The following DNAI4 variants were observed in gnomAD, a reference collection of about 807,000 sequenced individuals.
The protein encoded by DNAI4 is WD repeat domain 78.
DNAI4 carries 85 observed loss-of-function variants against 105.8 expected under a neutral mutation model. That is an observed-to-expected ratio of 0.80 (90% CI 0.67 to 0.96). DNAI4 has a LOEUF of 0.96. DNAI4 is among the 40% of genes least tolerant of loss of function. DNAI4 has a pLI of 0.00. For synonymous variants in DNAI4, 352 were observed against 331.5 expected, an observed-to-expected ratio of 1.06 and a Z score of -0.67; for missense variants, 1,014 against 1,005.6, an observed-to-expected ratio of 1.01 and a Z score of -0.11.
chr1:66,837,963 T>A (rs1646066912), intron 9 of DNAI4, among the ~76,000 whole-genome samples, 167 bp from the exon 10 acceptor site: 1 of 152,180 alleles, frequency 6.6e-6, no homozygotes, highest in South Asian at 2.1e-4. Context: ...TACCTCCATA[T>A]TCCTAAGCAA....
intron 8 of DNAI4, among the ~76,000 whole-genome samples, chr1:66,843,109 A>G (rs371816288): frequency 1.4e-5 from 2 of 147,642 alleles, no homozygotes; most frequent in African/African-American, 5.0e-5. Context: ...CTGAGGCAGG[A>G]GGATCGCTTG....
Position 66,874,914 on chromosome 1 carries a change from G to T in DNAI4, c.667C>A (p.Pro223Thr), listed in dbSNP as rs538817208. 8 of 1,605,268 alleles carry T rather than the reference G, an allele frequency of 5.0e-6. No individual in the cohort carries two copies. In the African/African-American group the frequency reaches 1.1e-4, roughly 22 times the overall value. ...FTDLQVIRAA[P>T]EKIVTKEDLE... The stretch of plus-strand genomic sequence containing the variant: ...TCTTCTTTTGTTACAATTTTTTCAG[G>T]TGCTGCCCTTATAACTTGCAAATCT... Residue 223 changes from proline (P) to threonine (T), a missense_variant, in exon 5 of 17, where the codon CCT becomes ACT. Pro to Thr is a conservative substitution (Grantham distance 38). Transcript: ENST00000371026.
chr1:66,857,025 A>C (rs1646516055), intron 7 of DNAI4, among the ~76,000 whole-genome samples: 1 of 152,090 alleles, frequency 6.6e-6, no homozygotes, highest in Non-Finnish European at 1.5e-5. Flanking sequence ...AAAATTAATA[A>C]AATCAAAAGT....
intron 13 of DNAI4, among the ~76,000 whole-genome samples, chr1:66,832,970 T>C (rs1370567553): frequency 6.6e-6 from 1 of 152,182 alleles, no homozygotes; most frequent in Non-Finnish European, 1.5e-5. Context: ...GAAGACTATA[T>C]ACAAGTGGAT....
chr1:66,849,419 C>T (rs1204751701), intron 7 of DNAI4, among the ~76,000 whole-genome samples: 5 of 152,124 alleles, frequency 3.3e-5, no homozygotes, highest in African/African-American at 1.2e-4. Context: ...TTTCCCCTGC[C>T]AGAACAGTGT....
rs1189456031 is a variant in DNAI4, at chr1:66,924,821, C to T, written c.11G>A (p.Gly4Asp). 12 of 1,613,996 alleles carry T rather than the reference C, an allele frequency of 7.4e-6. No individual in the cohort carries two copies. Among genetic ancestry groups the T allele is most frequent in the South Asian group, 1.1e-5 (1 of 91,080 alleles). ...TCGGGCCGAGGCTCCGGAATGTTTG[C>T]CGGGCGTCATGGCGACGGTGGAGCC... is the stretch of plus-strand genomic sequence containing the variant. Reference protein sequence around the residue: MTPGKHSGASARAA... With the variant: MTPDKHSGASARAA... The change falls in exon 1 of 17, where the codon GGC (glycine) becomes GAC (aspartate). Residue 4 changes from glycine (G) to aspartate (D), a missense_variant. By Grantham distance (94) the Gly-to-Asp change is moderately conservative. Coordinates refer to ENST00000371026, the MANE Select transcript of DNAI4 (RefSeq NM_024763.5).
intron 9 of DNAI4, among the ~76,000 whole-genome samples, chr1:66,839,511 T>C (rs182086666): frequency 1.9e-4 from 29 of 152,300 alleles, no homozygotes; most frequent in African/African-American, 7.0e-4. Context: ...ATAATAAGGC[T>C]AATTCTTAAA....
chr1:66,909,636 A>G lies in DNAI4; in HGVS notation c.171-4261T>C, dbSNP rs566208708. Among the ~76,000 whole-genome samples, 3 of 152,130 alleles carry G rather than the reference A, an allele frequency of 2.0e-5. No homozygotes were observed. The East Asian group carries it at 5.8e-4, about 29-fold the overall frequency. ...TAATGCCATGATTTAAAAGTAATCT[A>G]TGTGAAAATTATTCCCAAATATATG... is the stretch of plus-strand genomic sequence containing the variant. On this transcript the variant is annotated intron_variant, in intron 1 of 16. Coordinates refer to ENST00000371026, the MANE Select transcript of DNAI4 (RefSeq NM_024763.5).
At chr1:66,824,214 A>G (rs1438001554) in intron 15 of DNAI4, among the ~76,000 whole-genome samples, 47 of 138,816 alleles carry the variant, frequency 3.4e-4, no homozygotes, top group Non-Finnish European at 6.3e-4. Flanking sequence ...AAGATCAGAT[A>G]GTTGTAGATA....
At chr1:66,873,226 C>T (rs2100668548) in intron 5 of DNAI4, among the ~76,000 whole-genome samples, 1 of 150,366 alleles carries the variant, frequency 6.7e-6, no homozygotes, top group Admixed American at 6.6e-5. Context: ...CCTCTCCCTC[C>T]TCTTCTTCTT....
At chr1:66,859,090 T>A (rs921157542) in intron 7 of DNAI4, among the ~76,000 whole-genome samples, 1 of 151,988 alleles carries the variant, frequency 6.6e-6, no homozygotes, top group African/African-American at 2.4e-5. Flanking sequence ...CATACATATA[T>A]CCGATAAAGA....
chr1:66,831,674 T>C (rs1645868922), intron 13 of DNAI4, among the ~76,000 whole-genome samples: 1 of 152,166 alleles, frequency 6.6e-6, no homozygotes, highest in Non-Finnish European at 1.5e-5. Flanking sequence ...CCATACCTAA[T>C]AGTAAAAGGC....
At chr1:66,876,837 T>C (rs1194680858) in intron 4 of DNAI4, among the ~76,000 whole-genome samples, 1 of 152,134 alleles carries the variant, frequency 6.6e-6, no homozygotes, top group African/African-American at 2.4e-5. Flanking sequence ...TCCTAAAGGT[T>C]CTTCCCAGAG....
chr1:66,867,641 G>C (rs76758396), intron 6 of DNAI4, among the ~76,000 whole-genome samples: 3,959 of 152,072 alleles, frequency 0.026, 155 homozygotes, highest in African/African-American at 0.09. Context: ...TTTCTGTGGA[G>C]GGACACGTCA....
chr1:66,863,995 A>C (rs554393736), intron 6 of DNAI4, among the ~76,000 whole-genome samples: 1 of 152,216 alleles, frequency 6.6e-6, no homozygotes. Flanking sequence ...ATATAGGAAC[A>C]TACTGTTACA....
intron 4 of DNAI4, among the ~76,000 whole-genome samples, chr1:66,879,304 G>C (rs2100699980): frequency 6.6e-6 from 1 of 152,250 alleles, no homozygotes; most frequent in East Asian, 1.9e-4. Flanking sequence ...TTTCAGACTG[G>C]TTTATTTGAC....
At chr1:66,895,281 C>A (rs770810932) in intron 2 of DNAI4, among the ~76,000 whole-genome samples, 1 of 152,110 alleles carries the variant, frequency 6.6e-6, no homozygotes, top group Non-Finnish European at 1.5e-5. Context: ...GGGTTTGAGA[C>A]CAGCCTGAAC....
Position 66,833,571 on chromosome 1 carries a change from G to C in DNAI4, c.2013+14C>G. ...TTGTTATGTCCAGTGGTAAATAAGA[G>C]TGAAATAATTTACCTTGGGATGAAA... is the stretch of plus-strand genomic sequence containing the variant. On this transcript the variant is annotated intron_variant, in intron 13 of 16. Coordinates refer to ENST00000371026, the MANE Select transcript of DNAI4 (RefSeq NM_024763.5). 1 of 1,611,506 alleles carries C rather than the reference G, an allele frequency of 6.2e-7. No individual in the cohort carries two copies. The highest frequency in any genetic ancestry group is 8.5e-7 in the Non-Finnish European group (1 of 1,178,902).
intron 16 of DNAI4, 143 bp downstream of exon 16, chr1:66,822,218 T>C (rs908071335): frequency 6.0e-6 from 4 of 670,464 alleles, no homozygotes; most frequent in Non-Finnish European, 9.1e-6. Context: ...GCACCATGTA[T>C]AGAAGTTAGC....
Sources: gnomAD v4.1 joint callset for allele counts (sites outside exome capture counted in the v4.1 genomes callset) on GRCh38, gnomAD v4.1.1 for gene constraint, MANE v1.5 for transcripts, NCBI Gene and HGNC (gene_info 2026-07-23, HGNC 2026-07-21) for gene names.